PRSS23: variants seen among roughly 807,000 people sequenced by gnomAD.
PRSS23 encodes protease, serine 23.
Under a neutral mutation model 34.7 loss-of-function variants are expected in PRSS23, and 25 were observed. The ratio of observed to expected loss-of-function variants is 0.72; its 90% CI spans 0.53 to 1.01. The LOEUF (loss-of-function observed/expected upper bound fraction) is 1.01, where lower values mean the gene tolerates loss of function less well. Ranked by LOEUF, PRSS23 falls within the 50% of genes least tolerant of loss-of-function variation. The probability of loss-of-function intolerance (pLI) is 0.00; values close to 1 mark genes in which losing one functional copy is unlikely to be tolerated. For missense variants in PRSS23, 445 were observed against 475.6 expected (o/e 0.94, Z 0.60); for synonymous variants, 176 against 186.6 (o/e 0.94, Z 0.46).
intron 2 of PRSS23, among the ~76,000 whole-genome samples, chr11:86,839,334 A>G (rs1484048620): frequency 6.6e-6 from 1 of 151,872 alleles, no homozygotes; most frequent in Non-Finnish European, 1.5e-5. Context: ...ACAGCAGGAG[A>G]ACTTCATGAT....
chr11:86,942,031 T>A (rs892039685), intron 2 of PRSS23, among the ~76,000 whole-genome samples: 32 of 152,116 alleles, frequency 2.1e-4, no homozygotes, highest in African/African-American at 7.5e-4. Flanking sequence ...TGACGGTACA[T>A]AAATAGACAA....
intron 2 of PRSS23, chr11:86,832,396 A>G (rs1276150877): frequency 5.9e-6 from 1 of 170,548 alleles, no homozygotes; most frequent in African/African-American, 2.4e-5. Context: ...AGTATTTTTC[A>G]TATCCTAGGG....
intron 2 of PRSS23, among the ~76,000 whole-genome samples, chr11:86,915,138 G>A (rs115478808): frequency 0.014 from 2,078 of 152,100 alleles, 19 homozygotes; most frequent in Middle Eastern, 0.041. Flanking sequence ...TGGAAAACCC[G>A]AATTTTACTA....
chr11:86,891,098 C>T (rs1197593806), intron 2 of PRSS23, among the ~76,000 whole-genome samples: 1 of 152,128 alleles, frequency 6.6e-6, no homozygotes, highest in Non-Finnish European at 1.5e-5. Context: ...ACTGTTCCAC[C>T]CCCAGCTCCT....
Position 86,808,449 on chromosome 11 carries a change from C to G in PRSS23, c.806C>G (p.Ala269Gly). The change falls in exon 2 of 2, where the codon GCT (alanine) becomes GGT (glycine). Residue 269 changes from alanine to glycine, a missense_variant. By Grantham distance (60) the Ala-to-Gly change is moderately conservative (BLOSUM62 0). Coordinates refer to ENST00000280258, the MANE Select transcript of PRSS23 (RefSeq NM_007173.6). ...ATGAAGATTGGGGTGAGCCCTCCTG[C>G]TAAGCAGCTGCCAGGGGGCAGAATT... Reference protein sequence around the residue: ...KFMKIGVSPPAKQLPGGRIHF... With the variant: ...KFMKIGVSPPGKQLPGGRIHF... The G allele has an allele frequency of 6.2e-7, 1 of 1,614,226 alleles. No homozygotes were observed. The highest frequency in any genetic ancestry group is 8.5e-7 in the Non-Finnish European group (1 of 1,180,038).
chr11:86,943,831 C>A (rs772247802), intron 2 of PRSS23, among the ~76,000 whole-genome samples: 4 of 151,684 alleles, frequency 2.6e-5, no homozygotes, highest in Non-Finnish European at 4.4e-5. Context: ...GCAACCTCTG[C>A]CTCCCAGGTT....
chr11:86,922,595 G>A (rs749321351), intron 2 of PRSS23, among the ~76,000 whole-genome samples: 1 of 152,178 alleles, frequency 6.6e-6, no homozygotes, highest in Non-Finnish European at 1.5e-5. Flanking sequence ...CACAGTAGTA[G>A]CTCAGTAAAA....
In PRSS23 at chr11:86,807,977, G is replaced by T; in HGVS notation, c.334G>T (p.Gly112Trp). Residue 112 changes from glycine to tryptophan, a missense_variant, in exon 2 of 2, where the codon GGG (glycine) becomes TGG (tryptophan). Coordinates refer to ENST00000280258, the MANE Select transcript of PRSS23 (RefSeq NM_007173.6). ...CTACATCCTCAGCAGTAGTGGAGAT[G>T]GGGCCCAACACCGAGACTCAGGGTC... is the stretch of plus-strand genomic sequence containing the variant. ...GIYILSSSGD[G>W]AQHRDSGSSG... The T allele has an allele frequency of 6.2e-7, 1 of 1,614,044 alleles. No homozygotes were observed. Among genetic ancestry groups the T allele is most frequent in the Non-Finnish European group, 8.5e-7 (1 of 1,180,026 alleles).
At chr11:86,940,304 C>T (rs192916604) in intron 2 of PRSS23, among the ~76,000 whole-genome samples, 30 of 152,252 alleles carry the variant, frequency 2.0e-4, no homozygotes, top group African/African-American at 5.3e-4. Flanking sequence ...TAGGGGTGTG[C>T]TGTATCGGGT....
At position 86,816,934 on chromosome 11, in the gene PRSS23, A is replaced by G. The variant is rs1055681471; in HGVS notation, c.-11-6443A>G. 1.3e-5 allele frequency among the ~76,000 whole-genome samples: 2 copies of G among 152,258 alleles called. 1 individual carries two copies. Among genetic ancestry groups the G allele is most frequent in the African/African-American group, 4.8e-5 (2 of 41,468 alleles). On this transcript the variant is annotated intron_variant, in intron 1 of 2. Coordinates refer to the PRSS23 transcript ENST00000533902. ...GAGGTCTTGAAAATTGTAAAATCCT[A>G]TGAAGATTCATCTGCAGAAAAAGTT...
chr11:86,951,075 T>A (rs1009682639), intron 2 of PRSS23: 4 of 1,543,972 alleles, frequency 2.6e-6, no homozygotes, highest in Non-Finnish European at 3.6e-6. Context: ...AAACTTTTAG[T>A]AGAATTTCCT....
At chr11:86,859,152 CA>C (rs1401189739) in intron 2 of PRSS23, among the ~76,000 whole-genome samples, 1 of 151,804 alleles carries the variant, frequency 6.6e-6, no homozygotes, top group Non-Finnish European at 1.5e-5. Context: ...CTCCCTATAT[CA>C]GGGGAAGTGA....
intron 1 of PRSS23, among the ~76,000 whole-genome samples, chr11:86,820,963 A>G (rs1948247415): frequency 6.6e-6 from 1 of 152,240 alleles, no homozygotes; most frequent in African/African-American, 2.4e-5. Flanking sequence ...TGGTGAATAT[A>G]CAGCTTATGA....
chr11:86,884,100 C>T (rs993063794), intron 2 of PRSS23, among the ~76,000 whole-genome samples: 1 of 152,116 alleles, frequency 6.6e-6, no homozygotes, highest in African/African-American at 2.4e-5. Context: ...ATCATCTAGT[C>T]TTATTGCCTC....
chr11:86,922,035 G>T (rs1033825463), intron 2 of PRSS23: 2 of 152,136 alleles, frequency 1.3e-5, no homozygotes, highest in African/African-American at 4.8e-5. Flanking sequence ...GAGGGATCAA[G>T]AAATAGAATA....
chr11:86,907,651 A>G (rs954467002), intron 2 of PRSS23, among the ~76,000 whole-genome samples: 6 of 152,014 alleles, frequency 3.9e-5, no homozygotes, highest in Non-Finnish European at 7.4e-5. Flanking sequence ...GTAGAGACAG[A>G]GTCCCTCTGT....
intron 1 of PRSS23, among the ~76,000 whole-genome samples, chr11:86,791,897 C>A (rs1947954318): frequency 6.6e-6 from 1 of 152,118 alleles, no homozygotes; most frequent in Non-Finnish European, 1.5e-5. Context: ...GCTTTTATAC[C>A]AGTAGCTATT....
At chr11:86,888,117 T>TAAAAAA (rs35019573) in intron 2 of PRSS23, among the ~76,000 whole-genome samples, 4 of 98,808 alleles carry the variant, frequency 4.0e-5, no homozygotes, top group African/African-American at 1.2e-4. Context: ...TGGTTTTTTT[T>TAAAAAA]AAAAAAAAAC....
chr11:86,839,649 G>C (rs944252673), intron 2 of PRSS23, among the ~76,000 whole-genome samples: 1 of 151,886 alleles, frequency 6.6e-6, no homozygotes, highest in East Asian at 1.9e-4. Context: ...ACACATAATC[G>C]TCAGATTCAC....
Sources: allele counts gnomAD v4.1 joint callset (sites outside exome capture counted in the v4.1 genomes callset), GRCh38; gene constraint gnomAD v4.1.1; transcripts MANE v1.5; gene names NCBI Gene and HGNC (gene_info 2026-07-23, HGNC 2026-07-21).